Variants in NEK4 observed in about 807,000 individuals in gnomAD.
The protein encoded by NEK4 is NIMA related kinase 4.
A neutral mutation model predicts 98.4 loss-of-function variants in NEK4; 86 were observed. That is an observed-to-expected ratio of 0.87 (90% confidence interval 0.73 to 1.05). The LOEUF is 1.05. Ranked by LOEUF, NEK4 falls within the 50% of genes least tolerant of loss-of-function variation. The probability of loss-of-function intolerance (pLI) is 0.00; values close to 1 mark genes in which losing one functional copy is unlikely to be tolerated. For missense variants in NEK4, 898 were observed against 950.3 expected, an observed-to-expected ratio of 0.94 and a Z score of 0.72; for synonymous variants, 328 against 342.2, an observed-to-expected ratio of 0.96 and a Z score of 0.46.
intron 1 of NEK4, 133 bp from the exon 2 acceptor site, chr3:52,768,737 T>C: frequency 1.3e-6 from 1 of 759,290 alleles, no homozygotes; most frequent in Non-Finnish European, 2.1e-6. Flanking sequence ...ATTCATTTTG[T>C]TTTTCACCAA....
At chr3:52,754,843 A>G (rs1200375747) in intron 6 of NEK4, among the ~76,000 whole-genome samples, 2 of 152,116 alleles carry the variant, frequency 1.3e-5, no homozygotes, top group Non-Finnish European at 2.9e-5. Context: ...GGAGGCCAAG[A>G]TGGGCGGATC....
Position 52,739,410 on chromosome 3 carries a change from A to G in NEK4, c.2299+19T>C. On this transcript the variant is annotated intron_variant, in intron 14 of 15. Coordinates refer to ENST00000233027, the MANE Select transcript of NEK4 (RefSeq NM_003157.6). ...TGAGACTCCGTCTAAAAAACAAAAA[A>G]TAATAATAAGCTGATCACCTGAAGG... The G allele has an allele frequency of 6.2e-7, 1 of 1,609,394 alleles. No individual in the cohort carries two copies. The highest frequency in any genetic ancestry group is 1.7e-5 in the Admixed American group (1 of 59,934).
At chr3:52,744,413 C>T (rs1232670556) in intron 10 of NEK4, 108 bp from the exon 11 acceptor site, 7 of 872,954 alleles carry the variant, frequency 8.0e-6, no homozygotes, top group African/African-American at 6.6e-5. Flanking sequence ...GAGCTGGATG[C>T]GGTGGCTCAC....
chr3:52,711,649 C>CAAAGAGATATAAA lies in NEK4; in HGVS notation c.*115_*127dup. The CAAAGAGATATAAA allele has an allele frequency of 1.6e-6, 1 of 641,042 alleles. No individual in the cohort carries two copies. The highest frequency in any genetic ancestry group is 2.6e-5 in the Admixed American group (1 of 38,536). 39.7% of individuals were successfully genotyped at this position (641,042 alleles called of 1,614,324 possible). ...CAATTTCTTTTCTGTAGGGAAACGC[C>CAAAGAGATATAAA]AAAGAGATATAAAAAAGAGATATAA... On this transcript the variant is annotated 3_prime_UTR_variant, in exon 16 of 16. Coordinates refer to ENST00000233027, the MANE Select transcript of NEK4 (RefSeq NM_003157.6).
chr3:52,765,562 C>A (rs1448410257), intron 4 of NEK4, among the ~76,000 whole-genome samples: 1 of 152,140 alleles, frequency 6.6e-6, no homozygotes, highest in East Asian at 1.9e-4. Flanking sequence ...TTAAATGTAG[C>A]TCATTGAATC....
intron 1 of NEK4, among the ~76,000 whole-genome samples, chr3:52,769,132 T>C (rs769254620): frequency 3.9e-5 from 6 of 152,000 alleles, no homozygotes; most frequent in South Asian, 4.2e-4. Context: ...CACAGGAGAA[T>C]TGCTTGAACC....
chr3:52,731,773 G>A (rs753037686), intron 15 of NEK4, among the ~76,000 whole-genome samples: 2 of 152,158 alleles, frequency 1.3e-5, no homozygotes, highest in South Asian at 2.1e-4. Context: ...TGCCCACCTC[G>A]TCCTCCGAAA....
At chr3:52,725,562 A>G (rs1387514441) in intron 15 of NEK4, among the ~76,000 whole-genome samples, 8 of 152,118 alleles carry the variant, frequency 5.3e-5, no homozygotes, top group Non-Finnish European at 1.5e-5. Flanking sequence ...ACAAAGATAT[A>G]CTTTTGTGAC....
chr3:52,744,164 A>G, intron 11 of NEK4, 75 bp downstream of exon 11: 3 of 1,047,310 alleles, frequency 2.9e-6, no homozygotes, highest in Non-Finnish European at 3.0e-6. Context: ...AACCTCTCAT[A>G]GTTAGAACCA....
intron 6 of NEK4, among the ~76,000 whole-genome samples, chr3:52,752,927 T>TACACACACACACACACACAC (rs1299044456): frequency 8.6e-4 from 39 of 45,604 alleles, no homozygotes; most frequent in African/African-American, 2.9e-3. Context: ...AATATATATA[T>TACACACACACACACACACAC]ATATATACAC....
At position 52,752,089 on chromosome 3, in the gene NEK4, G is replaced by A. The variant is rs1367589380; in HGVS notation, c.1211C>T (p.Ser404Phe). 1 of 1,614,080 alleles carries A rather than the reference G, an allele frequency of 6.2e-7. No homozygotes were observed. Among genetic ancestry groups the A allele is most frequent in the African/African-American group, 1.3e-5 (1 of 74,924 alleles). ...SNELGGICSI[S>F]QVEEEMLQDN... ...CTGCAGCATCTCCTCTTCCACTTGA[G>A]AAATACTGCATATACCTCCTAACTC... The change falls in exon 7 of 16, where the codon TCT (serine) becomes TTT (phenylalanine). Residue 404 changes from serine to phenylalanine, a missense_variant. Ser to Phe is a radical substitution (Grantham distance 155). Coordinates refer to ENST00000233027, the MANE Select transcript of NEK4 (RefSeq NM_003157.6).
chr3:52,714,900 C>T (rs2097353715), intron 15 of NEK4, among the ~76,000 whole-genome samples: 1 of 152,246 alleles, frequency 6.6e-6, no homozygotes, highest in African/African-American at 2.4e-5. Context: ...CACCAGCCCC[C>T]TGCCACTTTG....
intron 15 of NEK4, among the ~76,000 whole-genome samples, chr3:52,730,689 CTGGAAGACTTTATGCAGGAT>C (rs1422486077): frequency 6.6e-6 from 1 of 152,092 alleles, no homozygotes; most frequent in African/African-American, 2.4e-5. Flanking sequence ...TTAAAGTATT[CTGGAAGACTTTATGCAGGAT>C]TGGTGTTCTT....
At chr3:52,766,074 T>TC in intron 3 of NEK4, 80 bp from the exon 4 acceptor site, 1 of 1,451,524 alleles carries the variant, frequency 6.9e-7, no homozygotes, top group Admixed American at 1.9e-5. Flanking sequence ...AGAAAACATT[T>TC]TCCTTAAACC....
intron 8 of NEK4, among the ~76,000 whole-genome samples, chr3:52,748,855 G>A (rs555279109): frequency 1.3e-5 from 2 of 152,312 alleles, no homozygotes; most frequent in South Asian, 4.1e-4. Context: ...GCCAAGGTGG[G>A]AGGATGATTT....
At chr3:52,717,492 G>A (rs1438738176) in intron 15 of NEK4, among the ~76,000 whole-genome samples, 1 of 151,568 alleles carries the variant, frequency 6.6e-6, no homozygotes, top group East Asian at 1.9e-4. Context: ...GAAATGCCAA[G>A]AAGTATGCCA....
chr3:52,727,377 T>A (rs540042234), intron 15 of NEK4, among the ~76,000 whole-genome samples: 3 of 152,210 alleles, frequency 2.0e-5, no homozygotes, highest in Non-Finnish European at 4.4e-5. Context: ...ATTGTCTCAA[T>A]AGATTTTAAA....
intron 15 of NEK4, among the ~76,000 whole-genome samples, chr3:52,727,068 G>A (rs746182076): frequency 2.0e-5 from 3 of 148,946 alleles, no homozygotes; most frequent in Non-Finnish European, 3.0e-5. Flanking sequence ...TCTGCCTCCC[G>A]GGTTCAAGCG....
chr3:52,724,571 T>C (rs978137225), intron 15 of NEK4, among the ~76,000 whole-genome samples: 1 of 151,766 alleles, frequency 6.6e-6, no homozygotes, highest in Non-Finnish European at 1.5e-5. Context: ...AATAAATAAC[T>C]TGAAGCTTTA....
Sources: gnomAD v4.1 joint callset for allele counts (sites outside exome capture counted in the v4.1 genomes callset) on GRCh38, gnomAD v4.1.1 for gene constraint, MANE v1.5 for transcripts, NCBI Gene and HGNC (gene_info 2026-07-23, HGNC 2026-07-21) for gene names.